The following IL1RL2 variants were observed in gnomAD, a reference collection of about 807,000 sequenced individuals.
The protein encoded by IL1RL2 is interleukin-1 receptor-like 2.
A neutral mutation model predicts 66.8 loss-of-function variants in IL1RL2; 68 were observed. The ratio of observed to expected loss-of-function variants is 1.02; its 90% CI spans 0.84 to 1.25. The LOEUF (loss-of-function observed/expected upper bound fraction) is 1.25. IL1RL2 is among the 50% of genes most tolerant of loss of function. The pLI is 0.00. For synonymous variants in IL1RL2, 305 were observed against 264.6 expected (o/e 1.15, Z -1.48); for missense variants, 729 against 709.3 (o/e 1.03, Z -0.32).
chr2:102,214,081 C>T (rs1689405940), intron 6 of IL1RL2, among the ~76,000 whole-genome samples: 1 of 152,136 alleles, frequency 6.6e-6, no homozygotes, highest in Non-Finnish European at 1.5e-5. Context: ...GGATAATTGT[C>T]TACACATTAC....
intron 10 of IL1RL2, among the ~76,000 whole-genome samples, chr2:102,233,334 C>T (rs1028445268): frequency 1.3e-5 from 2 of 152,082 alleles, no homozygotes; most frequent in South Asian, 2.1e-4. Context: ...CTCCCTGCCC[C>T]GCAGTGCCTG....
chr2:102,242,716 A>T (rs946135213), downstream of IL1RL2, among the ~76,000 whole-genome samples: 5 of 152,156 alleles, frequency 3.3e-5, no homozygotes, highest in African/African-American at 1.2e-4. Flanking sequence ...TTCCTGCGCT[A>T]ATCTCCGCTG....
Position 102,188,334 on chromosome 2 carries a change from C to T in IL1RL2, c.58+409C>T, listed in dbSNP as rs370748499. 1.2e-4 allele frequency among the ~76,000 whole-genome samples: 19 copies of T among 152,256 alleles called. No individual in the cohort carries two copies. The East Asian group carries it at 1.9e-3, about 15-fold the overall frequency. ...GCGCAGTGGCTCATGCCTGTAATCC[C>T]AGTACTTTGGGAGGCCAAGGCGGGC... On this transcript the variant is annotated intron_variant, in intron 2 of 11. Coordinates refer to ENST00000264257, the MANE Select transcript of IL1RL2 (RefSeq NM_003854.4).
chr2:102,191,675 T>C (rs1268129651), intron 3 of IL1RL2, among the ~76,000 whole-genome samples: 7 of 152,222 alleles, frequency 4.6e-5, no homozygotes. Context: ...CAGAGGCACA[T>C]GGCGTCCACT....
At chr2:102,242,147 T>C (rs1021628700), downstream of IL1RL2, among the ~76,000 whole-genome samples, 4 of 152,248 alleles carry the variant, frequency 2.6e-5, no homozygotes, top group African/African-American at 9.6e-5. Flanking sequence ...CGGATGAAAC[T>C]AAGGATGGAG....
intron 9 of IL1RL2, among the ~76,000 whole-genome samples, chr2:102,232,374 A>G (rs1691213904): frequency 6.6e-6 from 1 of 152,030 alleles, no homozygotes. Context: ...TGGCCTCCCA[A>G]AGTGCTGGGA....
At chr2:102,204,204 G>A (rs538642519) in intron 5 of IL1RL2, among the ~76,000 whole-genome samples, 2 of 151,882 alleles carry the variant, frequency 1.3e-5, no homozygotes, top group African/African-American at 2.4e-5. Context: ...AATTCCTCTC[G>A]TTATTGATTT....
chr2:102,204,906 C>T (rs1281550999), intron 5 of IL1RL2, among the ~76,000 whole-genome samples: 6 of 136,100 alleles, frequency 4.4e-5, no homozygotes, highest in African/African-American at 1.5e-4. Flanking sequence ...TTGTTTTCTG[C>T]TTGTTTTGGT....
At chr2:102,187,611 C>T (rs566980983) in intron 1 of IL1RL2, among the ~76,000 whole-genome samples, 3 of 152,286 alleles carry the variant, frequency 2.0e-5, no homozygotes, top group Admixed American at 1.3e-4. Flanking sequence ...GCCTACTCCT[C>T]GCCCATCCTC....
At position 102,234,893 on chromosome 2, in the gene IL1RL2, C is replaced by T. The variant is rs748769527; in HGVS notation, c.1298-4C>T. 238 of 1,607,414 alleles carry T rather than the reference C, an allele frequency of 1.5e-4. 1 individual carries two copies. In the Middle Eastern group the frequency reaches 5.1e-3, roughly 35 times the overall value. ...TCTTCTGAGCCTTCTTTCTTTATTT[C>T]CAGCCGTGGCCAATGTCATCGATGA... On this transcript the variant is annotated splice_region_variant and splice_polypyrimidine_tract_variant and intron_variant, in intron 10 of 11. Transcript: ENST00000264257.
intron 5 of IL1RL2, among the ~76,000 whole-genome samples, chr2:102,211,043 C>G (rs868496869): frequency 1.3e-5 from 2 of 151,878 alleles, no homozygotes; most frequent in African/African-American, 4.8e-5. Flanking sequence ...AAAGCTGTTG[C>G]CTAGAATGGC....
chr2:102,241,612 C>T (rs1232289617), downstream of IL1RL2, among the ~76,000 whole-genome samples: 2 of 152,304 alleles, frequency 1.3e-5, no homozygotes, highest in East Asian at 3.9e-4. Context: ...CTGATGCCGC[C>T]AGGTAGGGGG....
intron 4 of IL1RL2, among the ~76,000 whole-genome samples, chr2:102,195,557 TTCTC>T (rs369741227): frequency 0.42 from 47,909 of 113,210 alleles, 13,732 homozygotes; most frequent in East Asian, 0.56. Context: ...ATTTCTTTCT[TTCTC>T]TTTCTTTCTT....
At chr2:102,213,972 A>T (rs1689396794) in intron 6 of IL1RL2, among the ~76,000 whole-genome samples, 1 of 152,176 alleles carries the variant, frequency 6.6e-6, no homozygotes, top group Non-Finnish European at 1.5e-5. Flanking sequence ...ATAAAACAAC[A>T]AATGGTAAGA....
chr2:102,192,236 G>T, intron 4 of IL1RL2, 116 bp downstream of exon 4: 1 of 636,430 alleles, frequency 1.6e-6, no homozygotes, highest in Admixed American at 3.8e-5. Flanking sequence ...GTGTGCCTAA[G>T]ATAGATTAGT....
chr2:102,237,123 C>T (rs1022132110), intron 11 of IL1RL2, among the ~76,000 whole-genome samples: 5 of 152,296 alleles, frequency 3.3e-5, no homozygotes, highest in South Asian at 2.1e-4. Flanking sequence ...AGAGAGGACA[C>T]GTCCCCGTAC....
chr2:102,240,744 A>G (rs1675208626), downstream of IL1RL2, among the ~76,000 whole-genome samples: 1 of 152,208 alleles, frequency 6.6e-6, no homozygotes, highest in African/African-American at 2.4e-5. Flanking sequence ...CTTTATCAAG[A>G]ACTTATGGCT....
chr2:102,229,001 T>G, intron 9 of IL1RL2, among the ~76,000 whole-genome samples: 1 of 152,224 alleles, frequency 6.6e-6, no homozygotes, highest in Admixed American at 6.5e-5. Context: ...GTGTTTTCTA[T>G]GCATATTGGG....
intron 1 of IL1RL2, 28 bp from the exon 2 acceptor site, chr2:102,187,828 C>T (rs375783841): frequency 6.2e-7 from 1 of 1,605,928 alleles, no homozygotes; most frequent in Non-Finnish European, 8.5e-7. Flanking sequence ...GCGTCCTCCC[C>T]TCCCACCCTC....
Sources: allele counts gnomAD v4.1 joint callset (sites outside exome capture counted in the v4.1 genomes callset), GRCh38; gene constraint gnomAD v4.1.1; transcripts MANE v1.5; gene names NCBI Gene and HGNC (gene_info 2026-07-23, HGNC 2026-07-21).